The following DLG1 variants were observed in gnomAD, a reference collection of about 807,000 sequenced individuals.
DLG1 encodes discs large MAGUK scaffold protein 1.
A neutral mutation model predicts 123.4 loss-of-function variants in DLG1; 42 were observed. That is an observed-to-expected ratio of 0.34 (90% CI 0.27 to 0.44). The LOEUF (loss-of-function observed/expected upper bound fraction) is 0.44, where lower values mean the gene tolerates loss of function less well. DLG1 is among the 20% of genes least tolerant of loss of function. The pLI is 1.00. For missense variants in DLG1, 942 were observed against 1,082.6 expected (o/e 0.87, Z 1.82); for synonymous variants, 317 against 356.2 (o/e 0.89, Z 1.24).
chr3:197,293,072 A>G (rs1016809301), intron 3 of DLG1, among the ~76,000 whole-genome samples: 2 of 152,206 alleles, frequency 1.3e-5, no homozygotes, highest in African/African-American at 2.4e-5. Flanking sequence ...CCGTCTACTC[A>G]AAAAATTTTC....
chr3:197,133,595 T>A (rs1783709952), intron 10 of DLG1, among the ~76,000 whole-genome samples: 1 of 152,212 alleles, frequency 6.6e-6, no homozygotes, highest in Non-Finnish European at 1.5e-5. Context: ...TCCCAAAGTT[T>A]TACGCCAGAG....
intron 22 of DLG1, among the ~76,000 whole-genome samples, chr3:197,064,195 ATTTTT>A (rs58846947): frequency 8.6e-6 from 1 of 116,058 alleles, no homozygotes. Context: ...GCCTGGCCTT[ATTTTT>A]TTTTTTTTTT....
chr3:197,294,012 A>G (rs1166213349), intron 3 of DLG1: 1 of 152,620 alleles, frequency 6.6e-6, no homozygotes, highest in Non-Finnish European at 1.5e-5. Flanking sequence ...TTACAAGCTT[A>G]AAGTACATTT....
In DLG1 at chr3:197,258,663, T is replaced by A. The variant is rs115128302; in HGVS notation, c.318+24016A>T. Among the ~76,000 whole-genome samples the A allele has an allele frequency of 1.5e-3, 225 of 152,236 alleles. 1 individual carries two copies. The highest frequency in any genetic ancestry group is 5.2e-3 in the African/African-American group (214 of 41,548). On this transcript the variant is annotated intron_variant, in intron 4 of 24. Coordinates refer to ENST00000667157, the MANE Select transcript of DLG1 (RefSeq NM_001366207.1). ...CACTGTCAGACTTTTAAAACACATA[T>A]AGAATCACAAAGCTCTCTAAGACCA... is the stretch of plus-strand genomic sequence containing the variant.
chr3:197,177,049 G>A (rs958746599), intron 5 of DLG1, among the ~76,000 whole-genome samples: 2 of 151,622 alleles, frequency 1.3e-5, no homozygotes, highest in Non-Finnish European at 2.9e-5. Context: ...ACCAATTTTT[G>A]AGTCAGTACA....
At chr3:197,111,062 C>T (rs1769726378) in intron 13 of DLG1, among the ~76,000 whole-genome samples, 1 of 152,148 alleles carries the variant, frequency 6.6e-6, no homozygotes. Context: ...GTTTATTGAT[C>T]GGTCTACTAT....
chr3:197,102,677 C>T (rs1764149509), intron 14 of DLG1, among the ~76,000 whole-genome samples: 1 of 152,156 alleles, frequency 6.6e-6, no homozygotes. Context: ...GGTCAGGAGA[C>T]CAGTCTGGCC....
chr3:197,125,580 G>A (rs1289247683), intron 11 of DLG1, among the ~76,000 whole-genome samples: 3 of 152,176 alleles, frequency 2.0e-5, no homozygotes, highest in Non-Finnish European at 2.9e-5. Flanking sequence ...TGAATGAACT[G>A]AGGGTTGTAG....
intron 6 of DLG1, among the ~76,000 whole-genome samples, chr3:197,143,819 C>T (rs908182580): frequency 6.6e-6 from 1 of 152,176 alleles, no homozygotes; most frequent in Admixed American, 6.5e-5. Flanking sequence ...ACAAATTTCA[C>T]TTACATGTTT....
At chr3:197,298,360 A>C in intron 1 of DLG1, 176 bp downstream of exon 1, 1 of 397,372 alleles carries the variant, frequency 2.5e-6, no homozygotes. Flanking sequence ...AGAACAAAGG[A>C]GTTAACACTC....
In DLG1 at chr3:197,280,337, TTGTGTGTG is replaced by T. The variant is rs10575004; in HGVS notation, c.318+2334_318+2341del. On this transcript the variant is annotated intron_variant, in intron 4 of 24. Transcript: ENST00000667157. The stretch of plus-strand genomic sequence containing the variant: ...TTTTATGGCTGAATAGTAGTCCATT[TTGTGTGTG>T]TGTGTGTGTGTGTGTGTGTGTGTAT... Among the ~76,000 whole-genome samples the T allele has an allele frequency of 7.0e-3, 1,054 of 149,902 alleles. 6 individuals carry two copies. The highest frequency in any genetic ancestry group is 8.2e-3 in the Non-Finnish European group (553 of 67,392).
At chr3:197,112,033 G>A (rs554273302) in intron 13 of DLG1, among the ~76,000 whole-genome samples, 1 of 152,180 alleles carries the variant, frequency 6.6e-6, no homozygotes, top group Non-Finnish European at 1.5e-5. Context: ...AAGATTAGAT[G>A]TATGTTTAAC....
intron 14 of DLG1, 82 bp downstream of exon 14, chr3:197,104,821 G>A: frequency 1.5e-5 from 15 of 988,244 alleles, no homozygotes; most frequent in Non-Finnish European, 2.2e-5. Flanking sequence ...TAGCTTGGAA[G>A]TTAAACATTA....
At chr3:197,202,228 T>C (rs1726148655) in intron 4 of DLG1, among the ~76,000 whole-genome samples, 1 of 152,228 alleles carries the variant, frequency 6.6e-6, no homozygotes, top group Non-Finnish European at 1.5e-5. Context: ...TGTAACTGTA[T>C]TATATCTGCA....
At chr3:197,190,838 G>A (rs540241830) in intron 5 of DLG1, among the ~76,000 whole-genome samples, 13 of 152,202 alleles carry the variant, frequency 8.5e-5, no homozygotes, top group Non-Finnish European at 1.9e-4. Flanking sequence ...GTGAAACCCC[G>A]TCTCTACTAA....
intron 4 of DLG1, among the ~76,000 whole-genome samples, chr3:197,243,861 G>A (rs147187560): frequency 8.5e-5 from 13 of 152,208 alleles, no homozygotes; most frequent in African/African-American, 3.1e-4. Flanking sequence ...GGACTCCAAC[G>A]GCGTCTATAT....
chr3:197,240,960 T>C (rs893792033), intron 4 of DLG1, among the ~76,000 whole-genome samples: 4 of 151,952 alleles, frequency 2.6e-5, no homozygotes, highest in African/African-American at 9.7e-5. Flanking sequence ...TCAAAGAAAG[T>C]TGAGCAAAAG....
chr3:197,231,458 T>C (rs1371621444), intron 4 of DLG1, among the ~76,000 whole-genome samples: 1 of 151,936 alleles, frequency 6.6e-6, no homozygotes, highest in Admixed American at 6.6e-5. Context: ...TCCCAACACT[T>C]TGGGAGGCCG....
At chr3:197,061,086 G>A (rs1201067701) in intron 22 of DLG1, among the ~76,000 whole-genome samples, 4 of 152,208 alleles carry the variant, frequency 2.6e-5, no homozygotes, top group African/African-American at 4.8e-5. Context: ...TTATAGGCGT[G>A]AGCCACCATG....
Sources: allele counts gnomAD v4.1 joint callset (sites outside exome capture counted in the v4.1 genomes callset), GRCh38; gene constraint gnomAD v4.1.1; transcripts MANE v1.5; gene names NCBI Gene and HGNC (gene_info 2026-07-23, HGNC 2026-07-21).